Variants in RBM19 observed in about 807,000 individuals in gnomAD.
The protein encoded by RBM19 is RNA binding motif protein 19, also known as probable RNA-binding protein 19.
In RBM19, 94 loss-of-function variants were observed where a neutral mutation model predicts 116.8. That is an observed-to-expected ratio of 0.80 (90% CI 0.68 to 0.95). The LOEUF is 0.95. Ranked by LOEUF, RBM19 falls within the 40% of genes least tolerant of loss-of-function variation. The pLI, the probability that RBM19 is intolerant of heterozygous loss-of-function variation, is 0.00. For missense variants in RBM19, 1,161 were observed against 1,220.7 expected (o/e 0.95, Z 0.73); for synonymous variants, 475 against 494.1 (o/e 0.96, Z 0.51).
intron 21 of RBM19, among the ~76,000 whole-genome samples, chr12:113,881,627 C>T (rs1427191940): frequency 3.9e-5 from 6 of 152,178 alleles, no homozygotes; most frequent in Non-Finnish European, 8.8e-5. Flanking sequence ...GGCAGCCTCT[C>T]TCTTTCCCTC....
rs944967027 is a variant in RBM19, at chr12:113,898,869, A to G, written c.2558+16100T>C. Among the ~76,000 whole-genome samples the G allele has an allele frequency of 6.6e-6, 1 of 152,228 alleles. No individual in the cohort carries two copies. The highest frequency in any genetic ancestry group is 1.5e-5 in the Non-Finnish European group (1 of 68,042). On this transcript the variant is annotated intron_variant, in intron 21 of 23. Transcript: ENST00000261741. The surrounding 1 kb of genome is among the most constrained non-coding windows in gnomAD (Gnocchi z 4.3). ...TCCATCACGCTAAAATAATGTTGTTAATTTGAATTTTATTGAGTTTAAATT... is the reference window on the plus strand; with the variant it reads ...TCCATCACGCTAAAATAATGTTGTTGATTTGAATTTTATTGAGTTTAAATT...
chr12:113,936,941 C>T, intron 16 of RBM19, 66 bp downstream of exon 16: 1 of 1,570,982 alleles, frequency 6.4e-7, no homozygotes, highest in South Asian at 1.2e-5. Context: ...CTTCACGCTG[C>T]CCCCAACCCT....
intron 16 of RBM19, among the ~76,000 whole-genome samples, chr12:113,929,772 C>T (rs11066819): frequency 0.071 from 10,829 of 152,256 alleles, 1,267 homozygotes; most frequent in African/African-American, 0.25. Context: ...TGAGTACAGT[C>T]TCACTCATGA....
At chr12:113,929,877 G>A (rs964692549) in intron 16 of RBM19, among the ~76,000 whole-genome samples, 3 of 152,190 alleles carry the variant, frequency 2.0e-5, no homozygotes, top group Non-Finnish European at 4.4e-5. Context: ...TCTGGTTGGT[G>A]AGACAGGTTC....
At chr12:113,939,936 A>G (rs922609991) in intron 15 of RBM19, 24 bp downstream of exon 15, 3 of 1,611,290 alleles carry the variant, frequency 1.9e-6, no homozygotes, top group African/African-American at 2.7e-5. Flanking sequence ...CTCCAGATCA[A>G]TTCTGGGTCT....
intron 16 of RBM19, among the ~76,000 whole-genome samples, chr12:113,933,351 GGGGT>G (rs1869781354): frequency 6.6e-6 from 1 of 151,444 alleles, no homozygotes; most frequent in Non-Finnish European, 1.5e-5. Flanking sequence ...AAAGAGGGTG[GGGGT>G]GGGGGAGGAG....
At chr12:113,932,262 G>A (rs1483360114) in intron 16 of RBM19, among the ~76,000 whole-genome samples, 4 of 152,176 alleles carry the variant, frequency 2.6e-5, no homozygotes, top group Non-Finnish European at 4.4e-5. Flanking sequence ...CTACTTGCAG[G>A]ACGATGATGA....
At chr12:113,840,722 G>A (rs958361884) in intron 23 of RBM19, among the ~76,000 whole-genome samples, 12 of 152,296 alleles carry the variant, frequency 7.9e-5, no homozygotes, top group African/African-American at 2.9e-4. Flanking sequence ...CTCTGGCAGG[G>A]GCTGTGTCCC....
At chr12:113,820,633 AGAG>A (rs1874352409), downstream of RBM19, among the ~76,000 whole-genome samples, 2 of 152,124 alleles carry the variant, frequency 1.3e-5, no homozygotes, top group African/African-American at 2.4e-5. Context: ...GAGCCGGAAG[AGAG>A]GAGATGAGGG....
intron 23 of RBM19, among the ~76,000 whole-genome samples, chr12:113,843,300 G>A (rs1833502547): frequency 6.6e-6 from 1 of 152,194 alleles, no homozygotes; most frequent in Admixed American, 6.5e-5. Context: ...CTGTACCCAG[G>A]TGACACCCGA....
At chr12:113,944,443 A>G (rs1870845417) in intron 13 of RBM19, among the ~76,000 whole-genome samples, 1 of 152,044 alleles carries the variant, frequency 6.6e-6, no homozygotes, top group African/African-American at 2.4e-5. Flanking sequence ...CAAAATATAC[A>G]AAGAAGGGGG....
Position 113,830,572 on chromosome 12 carries a change from GGGC to G in RBM19, c.2786-7254_2786-7252del, listed in dbSNP as rs1162832709. ...GGAGTTACCCTGAGCTAGGGCTGCG[GGGC>G]GGGGGGGGGGGGGGTGGGCTATGCC... is the stretch of plus-strand genomic sequence containing the variant. On this transcript the variant is annotated intron_variant, in intron 23 of 23. Coordinates refer to ENST00000261741, the MANE Select transcript of RBM19 (RefSeq NM_016196.4). Among the ~76,000 whole-genome samples the G allele has an allele frequency of 7.6e-3, 219 of 28,942 alleles. 26 individuals are homozygous for G. The highest frequency in any genetic ancestry group is 0.025 in the African/African-American group (189 of 7,450). 19.0% of individuals were successfully genotyped at this position (28,942 alleles called of 152,430 possible). A position where few individuals can be genotyped will look rare whatever the true frequency, so the allele number is the denominator to read the frequency against.
intron 21 of RBM19, among the ~76,000 whole-genome samples, chr12:113,877,068 G>T (rs1156581946): frequency 6.6e-6 from 1 of 152,202 alleles, no homozygotes; most frequent in African/African-American, 2.4e-5. Flanking sequence ...AAGGTCCCAT[G>T]CCCCCACTGG....
At position 113,877,899 on chromosome 12, in the gene RBM19, G is replaced by A. The variant is rs182543549; in HGVS notation, c.2559-19003C>T. 2.2e-3 allele frequency among the ~76,000 whole-genome samples: 330 copies of A among 152,098 alleles called. 3 individuals are homozygous for A. The highest frequency in any genetic ancestry group is 3.6e-3 in the Non-Finnish European group (242 of 67,978). The stretch of plus-strand genomic sequence containing the variant: ...CAATTACCATTTTAAATGATACAGA[G>A]GAAAAAAGGAAAAAAATGACTGGTT... On this transcript the variant is annotated intron_variant, in intron 21 of 23. Transcript: ENST00000261741.
chr12:113,866,501 C>G (rs1234222640), intron 21 of RBM19, among the ~76,000 whole-genome samples: 1 of 152,214 alleles, frequency 6.6e-6, no homozygotes, highest in African/African-American at 2.4e-5. Flanking sequence ...CTGAGAGGCT[C>G]TGGATGGGGC....
Position 113,846,091 on chromosome 12 carries a change from T to C in RBM19, c.2665-1303A>G, listed in dbSNP as rs73393060. ...CCGTAGACATCACATTTGCAGCTGC[T>C]TTCTCTCAGCAGACAGCTTTCGGGC... On this transcript the variant is annotated intron_variant, in intron 22 of 23. Coordinates refer to ENST00000261741, the MANE Select transcript of RBM19 (RefSeq NM_016196.4). Among the ~76,000 whole-genome samples, 657 of 152,314 alleles carry C rather than the reference T, an allele frequency of 4.3e-3. 7 individuals are homozygous for C. The highest frequency in any genetic ancestry group is 0.014 in the African/African-American group (596 of 41,584).
At chr12:113,947,143 A>T (rs1871095592) in intron 11 of RBM19, among the ~76,000 whole-genome samples, 191 bp downstream of exon 11, 1 of 152,250 alleles carries the variant, frequency 6.6e-6, no homozygotes, top group African/African-American at 2.4e-5. Context: ...AGAACAGATC[A>T]GACCGTGCCC....
In RBM19 at chr12:113,861,513, T is replaced by TGTGTGTGTGTGTGTGA. The variant is rs1320114571; in HGVS notation, c.2559-2618_2559-2617insTCACACACACACACAC. 9.0e-5 allele frequency among the ~76,000 whole-genome samples: 13 copies of TGTGTGTGTGTGTGTGA among 143,878 alleles called. No homozygotes were observed. In the East Asian group the frequency reaches 2.5e-3, roughly 27 times the overall value. 94.4% of individuals were successfully genotyped at this position (143,878 alleles called of 152,430 possible). On this transcript the variant is annotated intron_variant, in intron 21 of 23. Transcript: ENST00000261741. ...GTGTGTGTGTGTGTGTGTGTGTGTG[T>TGTGTGTGTGTGTGTGA]GAAGGAGAGAAGGGGTCGGGGGGTG...
chr12:113,879,703 C>CTT (rs894059194), intron 21 of RBM19, among the ~76,000 whole-genome samples: 2 of 152,090 alleles, frequency 1.3e-5, no homozygotes, highest in Non-Finnish European at 2.9e-5. Flanking sequence ...AGGAGAATCA[C>CTT]TTGCTTCCCT....
Sources: gnomAD v4.1 joint callset for allele counts (sites outside exome capture counted in the v4.1 genomes callset) on GRCh38, gnomAD v4.1.1 for gene constraint, Gnocchi (gnomAD v3.1) non-coding constraint, MANE v1.5 for transcripts, NCBI Gene and HGNC (gene_info 2026-07-23, HGNC 2026-07-21) for gene names.